C17orf113: variants seen among roughly 807,000 people sequenced by gnomAD.
C17orf113 encodes the protein chromosome 17 open reading frame 113.
In C17orf113, 5 loss-of-function variants were observed where a neutral mutation model predicts 11.6. The observed-to-expected ratio is 0.43, with a 90% confidence interval of 0.23 to 0.91. The LOEUF is 0.91. Ranked by LOEUF, C17orf113 falls within the 40% of genes least tolerant of loss-of-function variation. The probability of loss-of-function intolerance (pLI) is 0.26; values close to 1 mark genes in which losing one functional copy is unlikely to be tolerated. For synonymous variants in C17orf113, 327 were observed against 390.6 expected (o/e 0.84, Z 1.92); for missense variants, 714 against 841.3 (o/e 0.85, Z 1.87).
In C17orf113 at chr17:42,043,027, G is replaced by A; in HGVS notation, c.350C>T (p.Ser117Phe). ...ACPGLATTPASRGVKVELDPA... is the reference protein window; with the variant it reads ...ACPGLATTPAFRGVKVELDPA... ...GTCTAACTCCACCTTGACGCCCCTG[G>A]AGGCAGGGGTCGTAGCCAGGCCTGG... is the stretch of plus-strand genomic sequence containing the variant. Residue 117 changes from serine to phenylalanine, a missense_variant, in exon 2 of 3, where the codon TCC (serine) becomes TTC (phenylalanine). By Grantham distance (155) the Ser-to-Phe change is radical. Transcript: ENST00000587304. 1 of 1,232,344 alleles carries A rather than the reference G, an allele frequency of 8.1e-7. No homozygotes were observed. Among genetic ancestry groups the A allele is most frequent in the Non-Finnish European group, 1.0e-6 (1 of 988,084 alleles). 76.3% of individuals were successfully genotyped at this position (1,232,344 alleles called of 1,614,324 possible).
intron 1 of C17orf113, among the ~76,000 whole-genome samples, chr17:42,048,402 G>A (rs563155702): frequency 2.6e-5 from 4 of 151,816 alleles, no homozygotes; most frequent in African/African-American, 2.4e-5. Context: ...AAAATTAGCC[G>A]GTCATGGTGG....
chr17:42,045,018 C>T (rs1288907011), intron 1 of C17orf113, among the ~76,000 whole-genome samples: 1 of 151,508 alleles, frequency 6.6e-6, no homozygotes, highest in Non-Finnish European at 1.5e-5. Flanking sequence ...CCCGGGTTCA[C>T]ACCATTCTCC....
chr17:42,050,171 GAAC>G lies in C17orf113; in HGVS notation c.-188+383_-188+385del, dbSNP rs5820444. ...ACCCTGACCAGCCGGATGGGAGCAG[GAAC>G]AACTTGACAAGGACCCCAAGGCATG... On this transcript the variant is annotated intron_variant, in intron 1 of 2. Coordinates refer to ENST00000587304, the MANE Select transcript of C17orf113 (RefSeq NM_001358661.2). This position sits in a 1 kb window ranked among gnomAD's most constrained non-coding sequence, Gnocchi z 5.6. Among the ~76,000 whole-genome samples the G allele has an allele frequency of 0.19, 28,930 of 152,122 alleles. 3,562 individuals carry two copies. The highest frequency in any genetic ancestry group is 0.36 in the East Asian group (1,838 of 5,152).
intron 2 of C17orf113, 76 bp from the exon 3 acceptor site, chr17:42,041,265 G>C (rs1567986957): frequency 8.3e-7 from 1 of 1,199,826 alleles, no homozygotes. Context: ...GGCAGTGCGG[G>C]GTGGTGGAAA....
intron 2 of C17orf113, among the ~76,000 whole-genome samples, chr17:42,041,428 C>T (rs767407249): frequency 2.0e-5 from 3 of 152,148 alleles, no homozygotes; most frequent in South Asian, 2.1e-4. Flanking sequence ...CCTCCCACCC[C>T]GGCCTCCCAC....
chr17:42,046,329 A>G (rs2053160363), intron 1 of C17orf113, among the ~76,000 whole-genome samples: 1 of 152,194 alleles, frequency 6.6e-6, no homozygotes, highest in South Asian at 2.1e-4. Flanking sequence ...ATGGTGGCTC[A>G]CACCTGTAAT....
In C17orf113 at chr17:42,039,643, T is replaced by C; in HGVS notation, c.*62A>G. On this transcript the variant is annotated 3_prime_UTR_variant, in exon 3 of 3. Coordinates refer to ENST00000587304, the MANE Select transcript of C17orf113 (RefSeq NM_001358661.2). ...ATCTTGGGTGCAGCATGGTCAAGTC[T>C]AGGTTGGCCCTTACAGTGCCCAGGG... The C allele has an allele frequency of 8.2e-7, 1 of 1,214,656 alleles. No homozygotes were observed. Among genetic ancestry groups the C allele is most frequent in the Non-Finnish European group, 1.0e-6 (1 of 972,158 alleles). The allele number at this position is 1,214,656 out of a possible 1,614,324, so 75.2% of individuals were successfully genotyped here. A position where few individuals can be genotyped will look rare whatever the true frequency, so the allele number is the denominator to read the frequency against.
Position 42,039,617 on chromosome 17 carries a change from C to A in C17orf113, c.*88G>T. On this transcript the variant is annotated 3_prime_UTR_variant, in exon 3 of 3. Coordinates refer to ENST00000587304, the MANE Select transcript of C17orf113 (RefSeq NM_001358661.2). ...CCCTGGGAGGCTGCAGTCAGCAGAT[C>A]ATCTTGGGTGCAGCATGGTCAAGTC... 8.6e-7 allele frequency: 1 copy of A among 1,158,148 alleles called. No individual in the cohort carries two copies. Among genetic ancestry groups the A allele is most frequent in the Non-Finnish European group, 1.1e-6 (1 of 921,116 alleles). The allele number at this position is 1,158,148 out of a possible 1,614,324, so 71.7% of individuals were successfully genotyped here. A position where few individuals can be genotyped will look rare whatever the true frequency, so the allele number is the denominator to read the frequency against.
intron 1 of C17orf113, among the ~76,000 whole-genome samples, chr17:42,047,124 C>A (rs561004643): frequency 6.6e-6 from 1 of 151,604 alleles, no homozygotes; most frequent in East Asian, 1.9e-4. Context: ...CCCCACCTCC[C>A]GGGTTCACGC....
chr17:42,039,796 C>T lies in C17orf113; in HGVS notation c.1937G>A (p.Gly646Glu). Residue 646 changes from glycine to glutamate, a missense_variant, in exon 3 of 3, where the codon GGG becomes GAG. Physicochemically the swap from Gly to Glu is moderately conservative, Grantham distance 98. Coordinates refer to ENST00000587304, the MANE Select transcript of C17orf113 (RefSeq NM_001358661.2). The stretch of plus-strand genomic sequence containing the variant: ...GAAGTCAAACTCGTGCAGCGGGGGC[C>T]CATCCACTGCGATCTTCACCATGTG... ...GGHMVKIAVD[G>E]PPLHEFDFGL... The T allele has an allele frequency of 8.1e-7, 1 of 1,232,266 alleles. No homozygotes were observed. Among genetic ancestry groups the T allele is most frequent in the Non-Finnish European group, 1.0e-6 (1 of 988,080 alleles). The allele number at this position is 1,232,266 out of a possible 1,614,324, so 76.3% of individuals were successfully genotyped here.
At chr17:42,041,466 T>C (rs1324618422) in intron 2 of C17orf113, among the ~76,000 whole-genome samples, 1 of 152,202 alleles carries the variant, frequency 6.6e-6, no homozygotes, top group African/African-American at 2.4e-5. Context: ...TCTCAGCTCT[T>C]ATACCTGCTG....
At position 42,040,284 on chromosome 17, in the gene C17orf113, C is replaced by T. The variant is rs2052984362; in HGVS notation, c.1449G>A (p.Ala483=). The T allele has an allele frequency of 8.1e-7, 1 of 1,231,656 alleles. No homozygotes were observed. The highest frequency in any genetic ancestry group is 1.0e-6 in the Non-Finnish European group (1 of 987,892). 76.3% of individuals were successfully genotyped at this position (1,231,656 alleles called of 1,614,324 possible). Residue 483 remains alanine, a synonymous_variant, in exon 3 of 3, where the codon GCG becomes GCA. Transcript: ENST00000587304. ...GVELLGYSEA[A]VRGLEWLRGS... ...CCCGGAGCCACTCCAAGCCCCGGAC[C>T]GCAGCCTCGGAGTAACCGAGCAGCT... is the stretch of plus-strand genomic sequence containing the variant.
chr17:42,048,094 C>T (rs557079953), intron 1 of C17orf113, among the ~76,000 whole-genome samples: 6 of 152,216 alleles, frequency 3.9e-5, no homozygotes, highest in African/African-American at 1.4e-4. Flanking sequence ...CATCTCCTCC[C>T]CCCCTTCCCA....
chr17:42,046,951 C>T (rs1414430262), intron 1 of C17orf113, among the ~76,000 whole-genome samples: 2 of 151,836 alleles, frequency 1.3e-5, no homozygotes, highest in Non-Finnish European at 2.9e-5. Flanking sequence ...CAATCTCCAC[C>T]TCCCGGATTC....
rs1309596730 is a variant in C17orf113, at chr17:42,039,582, G to T, written c.*123C>A. ...GGAAGCTCCAGAAGGGCGGGTGGAT[G>T]GCCTCAGGCCCCTGGGAGGCTGCAG... On this transcript the variant is annotated 3_prime_UTR_variant, in exon 3 of 3. Transcript: ENST00000587304. 1.5e-5 allele frequency: 14 copies of T among 916,740 alleles called. No homozygotes were observed. The highest frequency in any genetic ancestry group is 2.0e-5 in the Non-Finnish European group (14 of 701,596). The allele number at this position is 916,740 out of a possible 1,614,324, so 56.8% of individuals were successfully genotyped here. A position where few individuals can be genotyped will look rare whatever the true frequency, so the allele number is the denominator to read the frequency against.
At position 42,042,972 on chromosome 17, in the gene C17orf113, C is replaced by T. The variant is rs1166263738; in HGVS notation, c.405G>A (p.Val135=). The change falls in exon 2 of 3, where the codon GTG becomes GTA. Residue 135 remains valine, a synonymous_variant. Transcript: ENST00000587304. ...GCACATCCTCCTTTGCCATGCAGTACACAGTAGTCAGCACAGCCACTTTGG... is the reference window on the plus strand; with the variant it reads ...GCACATCCTCCTTTGCCATGCAGTATACAGTAGTCAGCACAGCCACTTTGG... ...DPAKVAVLTT[V]YCMAKEDVPN... is the part of the protein sequence containing the mutation. 1 of 1,232,462 alleles carries T rather than the reference C, an allele frequency of 8.1e-7. No homozygotes were observed. Among genetic ancestry groups the T allele is most frequent in the Non-Finnish European group, 1.0e-6 (1 of 988,190 alleles). 76.3% of individuals were successfully genotyped at this position (1,232,462 alleles called of 1,614,324 possible).
At position 42,042,852 on chromosome 17, in the gene C17orf113, C is replaced by T; in HGVS notation, c.525G>A (p.Arg175=). The T allele has an allele frequency of 8.1e-7, 1 of 1,232,348 alleles. No individual in the cohort carries two copies. Among genetic ancestry groups the T allele is most frequent in the Non-Finnish European group, 1.0e-6 (1 of 988,098 alleles). The allele number at this position is 1,232,348 out of a possible 1,614,324, so 76.3% of individuals were successfully genotyped here. The change falls in exon 2 of 3, where the codon AGG becomes AGA. Residue 175 remains arginine, a synonymous_variant. Coordinates refer to ENST00000587304, the MANE Select transcript of C17orf113 (RefSeq NM_001358661.2). ...CACCCACCTGCATGTCCCTCACCCT[C>T]CTGGGACTGTAGTAATCGCCATGCT... ...GTEHGDYYSP[R]RVRDMQVAIA... is the part of the protein sequence containing the mutation.
rs1025935584 is a variant in C17orf113, at chr17:42,038,899, G to C, written c.*806C>G. The stretch of plus-strand genomic sequence containing the variant: ...TGTGCTGTGTGTCAGAAACAAGCAC[G>C]GTCATCTACTCCCCAGTCATAGCTG... On this transcript the variant is annotated 3_prime_UTR_variant, in exon 3 of 3. Transcript: ENST00000587304. The C allele has an allele frequency of 9.2e-5, 14 of 152,324 alleles. No homozygotes were observed. Among genetic ancestry groups the C allele is most frequent in the Admixed American group, 5.2e-4 (8 of 15,286 alleles). The allele number at this position is 152,324 out of a possible 1,614,324, so 9.4% of individuals were successfully genotyped here.
rs1335079125 is a variant in C17orf113, at chr17:42,040,415, G to A, written c.1318C>T (p.Gln440Ter). The A allele has an allele frequency of 1.4e-5, 17 of 1,231,954 alleles. No homozygotes were observed. Among genetic ancestry groups the A allele is most frequent in the Non-Finnish European group, 1.7e-5 (17 of 987,980 alleles). The allele number at this position is 1,231,954 out of a possible 1,614,324, so 76.3% of individuals were successfully genotyped here. ...GCCCCACCTGAGCCGCGCTGAGCTT[G>A]GAGGGAGGCCGCAGCCGCCATCACC... ...PLVMAAAASL[Q>*]AQRGSGGARL... The change falls in exon 3 of 3, where the codon CAA becomes TAA. Residue 440 changes from glutamine to a stop codon, truncating the protein, a stop_gained. Transcript: ENST00000587304. LOFTEE classifies it low-confidence loss of function (END_TRUNC).
Sources: gnomAD v4.1 joint callset for allele counts (sites outside exome capture counted in the v4.1 genomes callset) on GRCh38, gnomAD v4.1.1 for gene constraint, Gnocchi (gnomAD v3.1) non-coding constraint, MANE v1.5 for transcripts, NCBI Gene and HGNC (gene_info 2026-07-23, HGNC 2026-07-21) for gene names.